SLC41A1: variants seen among roughly 807,000 people sequenced by gnomAD.
SLC41A1 encodes the protein solute carrier family 41 (magnesium transporter), member 1.
A neutral mutation model predicts 47.3 loss-of-function variants in SLC41A1; 20 were observed. The observed-to-expected ratio is 0.42, with a 90% CI of 0.30 to 0.61. The LOEUF is 0.61. Ranked by LOEUF, SLC41A1 falls within the 20% of genes least tolerant of loss-of-function variation. The pLI is 0.17. For synonymous variants in SLC41A1, 282 were observed against 272.7 expected, an observed-to-expected ratio of 1.03 and a Z score of -0.34; for missense variants, 504 against 674.1, an observed-to-expected ratio of 0.75 and a Z score of 2.79.
At chr1:205,795,753 G>T in intron 8 of SLC41A1, 1 of 536,530 alleles carries the variant, frequency 1.9e-6, no homozygotes, top group Non-Finnish European at 3.4e-6. Context: ...GCAAAGCTGT[G>T]ACAGTGCCGG....
chr1:205,810,531 G>A lies in SLC41A1; in HGVS notation c.-90C>T. 1 of 1,605,196 alleles carries A rather than the reference G, an allele frequency of 6.2e-7. No homozygotes were observed. Among genetic ancestry groups the A allele is most frequent in the African/African-American group, 1.3e-5 (1 of 74,946 alleles). ...TAACTTGGGAAAGAACTTAGTCTTG[G>A]GGTGAACCCAGGCTTGGGCGCCGCA... On this transcript the variant is annotated 5_prime_UTR_variant, in exon 2 of 11. Coordinates refer to ENST00000367137, the MANE Select transcript of SLC41A1 (RefSeq NM_173854.6). This position sits in a 1 kb window ranked among gnomAD's most constrained non-coding sequence, Gnocchi z 5.5.
chr1:205,797,149 C>T, intron 7 of SLC41A1, 146 bp from the exon 8 acceptor site: 1 of 743,550 alleles, frequency 1.3e-6, no homozygotes, highest in Non-Finnish European at 2.4e-6. Context: ...CAGTCCTTGC[C>T]TCCCTTGACA....
chr1:205,800,220 G>A (rs1483602764), intron 3 of SLC41A1, among the ~76,000 whole-genome samples: 3 of 152,254 alleles, frequency 2.0e-5, no homozygotes, highest in Non-Finnish European at 4.4e-5. Flanking sequence ...AGCTGCTGGT[G>A]CAGGACTGAG....
Position 205,789,841 on chromosome 1 carries a change from G to C in SLC41A1, c.*1692C>G, listed in dbSNP as rs928931376. 1.3e-5 allele frequency: 2 copies of C among 152,234 alleles called. No individual in the cohort carries two copies. The highest frequency in any genetic ancestry group is 2.9e-5 in the Non-Finnish European group (2 of 68,084). 9.4% of individuals were successfully genotyped at this position (152,234 alleles called of 1,614,324 possible). On this transcript the variant is annotated 3_prime_UTR_variant, in exon 11 of 11. Coordinates refer to ENST00000367137, the MANE Select transcript of SLC41A1 (RefSeq NM_173854.6). ...AGCCTTCCCTTGGAGGTGGGCCCTT[G>C]AGGCTACAGATGGAAGGGTTTCTGT...
intron 1 of SLC41A1, 46 bp downstream of exon 1, chr1:205,812,762 C>T: frequency 1.0e-6 from 1 of 986,100 alleles, no homozygotes; most frequent in South Asian, 4.7e-5. Flanking sequence ...CCAGGACTGC[C>T]GCCCTCCACC....
intron 2 of SLC41A1, among the ~76,000 whole-genome samples, chr1:205,804,009 C>T (rs1440963370): frequency 1.3e-5 from 2 of 152,074 alleles, no homozygotes; most frequent in South Asian, 4.1e-4. Context: ...TTAATAGGTA[C>T]AGAGCTTCAG....
At chr1:205,800,195 A>C (rs1026007607) in intron 3 of SLC41A1, among the ~76,000 whole-genome samples, 1 of 152,214 alleles carries the variant, frequency 6.6e-6, no homozygotes, top group African/African-American at 2.4e-5. Flanking sequence ...CTGCGATCCC[A>C]GGGAAGGAAA....
rs772733536 is a variant in SLC41A1 at position 205,810,492 on chromosome 1, T to C, written c.-51A>G. 6.2e-7 allele frequency: 1 copy of C among 1,613,038 alleles called. No individual in the cohort carries two copies. The highest frequency in any genetic ancestry group is 2.2e-5 in the East Asian group (1 of 44,868). On this transcript the variant is annotated 5_prime_UTR_variant, in exon 2 of 11. Coordinates refer to ENST00000367137, the MANE Select transcript of SLC41A1 (RefSeq NM_173854.6). The surrounding 1 kb of genome is among the most constrained non-coding windows in gnomAD (Gnocchi z 5.5). ...GAACTTTCCTCTCTTCTTTTTGCTTTCTCTCTTCTTCTCTAACTTGGGAAA... is the reference window on the plus strand; with the variant it reads ...GAACTTTCCTCTCTTCTTTTTGCTTCCTCTCTTCTTCTCTAACTTGGGAAA...
At position 205,810,352 on chromosome 1, in the gene SLC41A1, T is replaced by C; in HGVS notation, c.90A>G (p.Arg30=). ...ASPCSSDGPG[R]EPLAGTSEFL... Reference sequence around the variant, plus strand: ...ACTCTGAGGTCCCAGCCAAGGGCTCTCTCCCTGGGCCATCTGAAGAGCAGG... The same window carrying C: ...ACTCTGAGGTCCCAGCCAAGGGCTCCCTCCCTGGGCCATCTGAAGAGCAGG... The change falls in exon 2 of 11, where the codon AGA becomes AGG. Residue 30 remains arginine (R), a synonymous_variant. Transcript: ENST00000367137. This position sits in a 1 kb window ranked among gnomAD's most constrained non-coding sequence, Gnocchi z 5.5. 1.2e-6 allele frequency: 2 copies of C among 1,614,084 alleles called. No individual in the cohort carries two copies. Among genetic ancestry groups the C allele is most frequent in the Non-Finnish European group, 1.7e-6 (2 of 1,180,018 alleles).
chr1:205,803,218 G>T (rs1180435250), intron 2 of SLC41A1, among the ~76,000 whole-genome samples: 1 of 152,120 alleles, frequency 6.6e-6, no homozygotes, highest in Non-Finnish European at 1.5e-5. Flanking sequence ...CACTCTTGGT[G>T]GGACTATAAA....
chr1:205,796,158 A>C (rs2102502102), intron 8 of SLC41A1: 1 of 160,432 alleles, frequency 6.2e-6, no homozygotes, highest in East Asian at 1.8e-4. Context: ...ACAGCAGGCA[A>C]CCAGAGGGCA....
chr1:205,797,870 G>C, intron 7 of SLC41A1, 34 bp downstream of exon 7: 2 of 1,613,564 alleles, frequency 1.2e-6, no homozygotes. Context: ...GGGTTGGAGT[G>C]GGGTAGGAGT....
At chr1:205,798,353 C>T (rs897124141) in intron 6 of SLC41A1, among the ~76,000 whole-genome samples, 1 of 152,124 alleles carries the variant, frequency 6.6e-6, no homozygotes, top group Non-Finnish European at 1.5e-5. Context: ...CATCTCCCAC[C>T]CGCTTCTTCA....
At chr1:205,808,131 T>C (rs1341759049) in intron 2 of SLC41A1, among the ~76,000 whole-genome samples, 1 of 152,162 alleles carries the variant, frequency 6.6e-6, no homozygotes, top group African/African-American at 2.4e-5. Context: ...ATTTTTTGTA[T>C]TTTTAGTAGA....
chr1:205,794,727 T>C, intron 10 of SLC41A1, 143 bp downstream of exon 10: 2 of 1,114,994 alleles, frequency 1.8e-6, no homozygotes, highest in Non-Finnish European at 1.3e-6. Flanking sequence ...TCTGTTCTCC[T>C]GCACCCTTGT....
At chr1:205,801,892 A>G (rs1220118576) in intron 2 of SLC41A1, among the ~76,000 whole-genome samples, 1 of 152,178 alleles carries the variant, frequency 6.6e-6, no homozygotes, top group Non-Finnish European at 1.5e-5. Context: ...TTAACAACCC[A>G]GTAAGGTAGG....
rs994193584 is a variant in SLC41A1, at chr1:205,812,940, C to A, written c.-779G>T. 3 of 985,850 alleles carry A rather than the reference C, an allele frequency of 3.0e-6. No individual in the cohort carries two copies. The highest frequency in any genetic ancestry group is 2.4e-6 in the Non-Finnish European group (2 of 830,276). The allele number at this position is 985,850 out of a possible 1,614,324, so 61.1% of individuals were successfully genotyped here. A position where few individuals can be genotyped will look rare whatever the true frequency, so the allele number is the denominator to read the frequency against. On this transcript the variant is annotated 5_prime_UTR_variant, in exon 1 of 11. Coordinates refer to ENST00000367137, the MANE Select transcript of SLC41A1 (RefSeq NM_173854.6). ...CTCCTTGGCCCCCGGCGTGCCCCCCCACACCCCCAGCCAAGGCGAGCGTCC... is the reference window on the plus strand; with the variant it reads ...CTCCTTGGCCCCCGGCGTGCCCCCCAACACCCCCAGCCAAGGCGAGCGTCC...
chr1:205,808,448 T>G (rs1360468040), intron 2 of SLC41A1, among the ~76,000 whole-genome samples: 1 of 152,180 alleles, frequency 6.6e-6, no homozygotes, highest in Non-Finnish European at 1.5e-5. Context: ...CCCCAAATGC[T>G]TCCCCACTAC....
rs939277931 is a variant in SLC41A1, at chr1:205,791,486, T to G, written c.*47A>C. The G allele has an allele frequency of 1.9e-6, 3 of 1,612,628 alleles. No individual in the cohort carries two copies. Among genetic ancestry groups the G allele is most frequent in the Non-Finnish European group, 2.5e-6 (3 of 1,179,268 alleles). On this transcript the variant is annotated 3_prime_UTR_variant, in exon 11 of 11. Coordinates refer to ENST00000367137, the MANE Select transcript of SLC41A1 (RefSeq NM_173854.6). The surrounding 1 kb of genome is among the most constrained non-coding windows in gnomAD (Gnocchi z 4.0). ...AGGGACAGGGGAACAAAAGAAAAATTTCAAATAGAAAGTGCAGAGGGATGG... is the reference window on the plus strand; with the variant it reads ...AGGGACAGGGGAACAAAAGAAAAATGTCAAATAGAAAGTGCAGAGGGATGG...
Sources: allele counts gnomAD v4.1 joint callset (sites outside exome capture counted in the v4.1 genomes callset), GRCh38; gene constraint gnomAD v4.1.1; non-coding constraint Gnocchi (gnomAD v3.1); transcripts MANE v1.5; gene names NCBI Gene and HGNC (gene_info 2026-07-23, HGNC 2026-07-21).